FBXO11: variants seen among roughly 807,000 people sequenced by gnomAD.
The protein encoded by FBXO11 is F-box only protein 11.
A neutral mutation model predicts 117.0 loss-of-function variants in FBXO11; 13 were observed. The observed-to-expected ratio is 0.11, with a 90% CI of 0.07 to 0.18. The LOEUF is 0.18. FBXO11 is among the 10% of genes least tolerant of loss of function. The pLI, the probability that FBXO11 is intolerant of heterozygous loss-of-function variation, is 1.00. For synonymous variants in FBXO11, 490 were observed against 380.5 expected, an observed-to-expected ratio of 1.29 and a Z score of -3.35; for missense variants, 767 against 1,164.4, an observed-to-expected ratio of 0.66 and a Z score of 4.97.
intron 12 of FBXO11, among the ~76,000 whole-genome samples, chr2:47,822,938 C>G (rs1172564303): frequency 6.6e-6 from 1 of 152,050 alleles, no homozygotes; most frequent in East Asian, 1.9e-4. Flanking sequence ...GTTTATATCA[C>G]TAATAAAAAG....
At chr2:47,899,530 G>C (rs1677938524) in intron 1 of FBXO11, among the ~76,000 whole-genome samples, 1 of 152,122 alleles carries the variant, frequency 6.6e-6, no homozygotes, top group Non-Finnish European at 1.5e-5. Context: ...ACAAAGTAAG[G>C]CTCAGAGAGG....
Position 47,839,009 on chromosome 2 carries a change from A to G in FBXO11, c.443-6T>C. 2 of 1,609,806 alleles carry G rather than the reference A, an allele frequency of 1.2e-6. No individual in the cohort carries two copies. The highest frequency in any genetic ancestry group is 1.7e-6 in the Non-Finnish European group (2 of 1,178,200). ...ATACTGTTCAGCAGGTGCTGCTATA[A>G]AGAGATTAACATATAAACTATCATT... is the stretch of plus-strand genomic sequence containing the variant. On this transcript the variant is annotated splice_polypyrimidine_tract_variant and splice_region_variant and intron_variant, in intron 3 of 22. Transcript: ENST00000403359.
intron 1 of FBXO11, 45 bp downstream of exon 1, chr2:47,905,444 G>A: frequency 3.3e-6 from 4 of 1,197,940 alleles, no homozygotes; most frequent in Non-Finnish European, 4.1e-6. Flanking sequence ...CTCCCTTCCC[G>A]CGGTGCCCGG....
chr2:47,820,491 G>C, intron 13 of FBXO11, 35 bp from the exon 14 acceptor site: 2 of 1,509,430 alleles, frequency 1.3e-6, no homozygotes, highest in Non-Finnish European at 9.2e-7. Context: ...GTCAACATTT[G>C]TGAGCCTAGA....
At chr2:47,902,537 G>A (rs1484939005) in intron 1 of FBXO11, among the ~76,000 whole-genome samples, 1 of 151,996 alleles carries the variant, frequency 6.6e-6, no homozygotes, top group East Asian at 1.9e-4. Context: ...CATAATGTAT[G>A]TACAAACATG....
intron 1 of FBXO11, among the ~76,000 whole-genome samples, chr2:47,867,317 T>C (rs964559204): frequency 6.6e-6 from 1 of 152,182 alleles, no homozygotes; most frequent in Non-Finnish European, 1.5e-5. Flanking sequence ...ACTCAGCTTA[T>C]GGAGCAGCTA....
intron 4 of FBXO11, 58 bp downstream of exon 4, chr2:47,838,801 A>G: frequency 2.0e-6 from 3 of 1,532,604 alleles, no homozygotes; most frequent in Middle Eastern, 1.7e-4. Context: ...TACCATGTTT[A>G]GCATTTTGGG....
At chr2:47,904,677 C>A in intron 1 of FBXO11, among the ~76,000 whole-genome samples, 1 of 151,364 alleles carries the variant, frequency 6.6e-6, no homozygotes, top group African/African-American at 2.4e-5. Context: ...CACTAGGAGA[C>A]GGAGAGTAGC....
chr2:47,887,406 AG>A (rs1470635177), intron 1 of FBXO11, among the ~76,000 whole-genome samples: 1 of 151,932 alleles, frequency 6.6e-6, no homozygotes, highest in Non-Finnish European at 1.5e-5. Flanking sequence ...ATGAAAGAAC[AG>A]GGAAAACAAA....
At chr2:47,870,577 C>G (rs191603784) in intron 1 of FBXO11, among the ~76,000 whole-genome samples, 2 of 152,234 alleles carry the variant, frequency 1.3e-5, no homozygotes, top group African/African-American at 4.8e-5. Flanking sequence ...CCAAGGAATA[C>G]CAAGGATTAA....
chr2:47,810,074 T>C (rs1161638272), intron 19 of FBXO11: 6 of 503,106 alleles, frequency 1.2e-5, no homozygotes, highest in Admixed American at 1.1e-4. Context: ...GCATTTATTC[T>C]ATCCCAATAA....
intron 1 of FBXO11, among the ~76,000 whole-genome samples, chr2:47,840,306 G>C (rs1370401729): frequency 6.6e-6 from 1 of 151,956 alleles, no homozygotes; most frequent in Admixed American, 6.6e-5. Flanking sequence ...AGTGGGAAGG[G>C]AACTGGTACT....
chr2:47,812,201 T>C (rs1335061399), intron 18 of FBXO11, among the ~76,000 whole-genome samples: 3 of 152,234 alleles, frequency 2.0e-5, no homozygotes, highest in Admixed American at 6.5e-5. Context: ...TTGTTTACGA[T>C]GTGCTCCACT....
intron 1 of FBXO11, among the ~76,000 whole-genome samples, chr2:47,899,273 C>CAAAA (rs376186704): frequency 4.9e-5 from 3 of 60,628 alleles, no homozygotes; most frequent in African/African-American, 6.8e-5. Flanking sequence ...GACTCCGTCT[C>CAAAA]AAAAAAAAAA....
intron 13 of FBXO11, among the ~76,000 whole-genome samples, chr2:47,821,819 A>T (rs1272030100): frequency 6.6e-6 from 1 of 151,948 alleles, no homozygotes; most frequent in African/African-American, 2.4e-5. Context: ...AGGGCAGCGC[A>T]TGAGACTCAC....
intron 18 of FBXO11, 118 bp from the exon 19 acceptor site, chr2:47,810,544 A>C: frequency 1.7e-6 from 1 of 587,028 alleles, no homozygotes; most frequent in Non-Finnish European, 2.8e-6. Context: ...AATTCACAGG[A>C]CTATTTTTTC....
At chr2:47,813,121 A>C in intron 18 of FBXO11, 113 bp downstream of exon 18, 1 of 1,099,222 alleles carries the variant, frequency 9.1e-7, no homozygotes, top group African/African-American at 1.6e-5. Context: ...GATAAGGAAA[A>C]AGACTTGAGA....
rs557887030 is a variant in FBXO11, at chr2:47,806,988, C to T, written c.*1130G>A. 3.9e-5 allele frequency: 29 copies of T among 740,786 alleles called. No homozygotes were observed. In the African/African-American group the frequency reaches 4.7e-4, roughly 12 times the overall value. 45.9% of individuals were successfully genotyped at this position (740,786 alleles called of 1,614,324 possible). On this transcript the variant is annotated 3_prime_UTR_variant, in exon 23 of 23. Coordinates refer to ENST00000403359, the MANE Select transcript of FBXO11 (RefSeq NM_001190274.2). ...CATTTTCTTTCTAGGAAATTAAACCCTTTTAATTCTTATCTACCTTCTACA... is the reference window on the plus strand; with the variant it reads ...CATTTTCTTTCTAGGAAATTAAACCTTTTTAATTCTTATCTACCTTCTACA...
chr2:47,823,508 C>CAAAG, intron 11 of FBXO11, 148 bp from the exon 12 acceptor site: 1 of 658,900 alleles, frequency 1.5e-6, no homozygotes, highest in African/African-American at 1.8e-5. Context: ...TTAATCCCAG[C>CAAAG]ACTTTGGGAG....
Sources: allele counts gnomAD v4.1 joint callset (sites outside exome capture counted in the v4.1 genomes callset), GRCh38; gene constraint gnomAD v4.1.1; transcripts MANE v1.5; gene names NCBI Gene and HGNC (gene_info 2026-07-23, HGNC 2026-07-21).